HIVEP3: variants seen among roughly 807,000 people sequenced by gnomAD.
HIVEP3 encodes HIVEP zinc finger 3.
In HIVEP3, 49 loss-of-function variants were observed where a neutral mutation model predicts 152.8. The observed-to-expected ratio is 0.32, with a 90% CI of 0.26 to 0.41. HIVEP3 has a LOEUF of 0.41. Ranked by LOEUF, HIVEP3 falls within the 10% of genes least tolerant of loss-of-function variation. HIVEP3 has a pLI of 1.00. For synonymous variants in HIVEP3, 1,269 were observed against 1,289.0 expected (o/e 0.98, Z 0.33); for missense variants, 2,790 against 3,103.3 (o/e 0.90, Z 2.40).
chr1:41,648,996 G>C (rs530291023), intron 2 of HIVEP3, among the ~76,000 whole-genome samples: 2 of 152,384 alleles, frequency 1.3e-5, no homozygotes, highest in Admixed American at 1.3e-4. Context: ...TGTCTGCACA[G>C]CAGAGCCTGT....
At chr1:41,870,981 C>T (rs940319805) in intron 1 of HIVEP3, among the ~76,000 whole-genome samples, 4 of 152,202 alleles carry the variant, frequency 2.6e-5, no homozygotes, top group East Asian at 1.9e-4. Flanking sequence ...GATTACGACA[C>T]GTGAACTGCT....
rs3064231 is a variant in HIVEP3, at chr1:41,753,706, T to A, written c.-800-52711A>T. Among the ~76,000 whole-genome samples the A allele has an allele frequency of 4.5e-4, 68 of 149,576 alleles. 1 individual carries two copies. Among genetic ancestry groups the A allele is most frequent in the South Asian group, 3.8e-3 (18 of 4,772 alleles). On this transcript the variant is annotated intron_variant, in intron 1 of 8. Transcript: ENST00000372583. Reference sequence around the variant, plus strand: ...ATAAATAAATAAATAAATAAATAAATAAAAATAGAAAACAATGGAAGCGTT... The same window carrying A: ...ATAAATAAATAAATAAATAAATAAAAAAAAATAGAAAACAATGGAAGCGTT...
intron 3 of HIVEP3, among the ~76,000 whole-genome samples, chr1:41,604,902 G>A (rs1570080525): frequency 6.6e-6 from 1 of 151,882 alleles, no homozygotes; most frequent in African/African-American, 2.4e-5. Flanking sequence ...CCAGGAATTC[G>A]AGACCAGCTT....
chr1:41,517,816 C>T (rs1158293052), intron 7 of HIVEP3, among the ~76,000 whole-genome samples: 1 of 152,160 alleles, frequency 6.6e-6, no homozygotes, highest in Non-Finnish European at 1.5e-5. Context: ...CCACCATGGC[C>T]GGGGTGTGTA....
chr1:41,754,113 G>A (rs1647217698), intron 1 of HIVEP3, among the ~76,000 whole-genome samples: 1 of 152,160 alleles, frequency 6.6e-6, no homozygotes, highest in South Asian at 2.1e-4. Flanking sequence ...CGGCATTCTG[G>A]GTGGGTCTGA....
chr1:41,806,879 T>A (rs183245213), intron 1 of HIVEP3, among the ~76,000 whole-genome samples: 1 of 152,226 alleles, frequency 6.6e-6, no homozygotes, highest in East Asian at 1.9e-4. Flanking sequence ...GAGAGTATGA[T>A]GTGCTCGCCA....
chr1:41,574,693 G>A (rs146961696), intron 5 of HIVEP3, among the ~76,000 whole-genome samples: 7 of 152,284 alleles, frequency 4.6e-5, no homozygotes, highest in East Asian at 1.9e-4. Context: ...CACAGGAAGC[G>A]CATTTTCCTC....
chr1:42,028,562 C>T (rs1645595055), intron 1 of HIVEP3, among the ~76,000 whole-genome samples: 1 of 152,184 alleles, frequency 6.6e-6, no homozygotes, highest in Non-Finnish European at 1.5e-5. Context: ...AATCCCAAAT[C>T]TGATTGGTCT....
At chr1:41,606,094 C>T (rs72669066) in intron 3 of HIVEP3, among the ~76,000 whole-genome samples, 4,116 of 149,872 alleles carry the variant, frequency 0.027, 300 homozygotes, top group African/African-American at 0.098. Flanking sequence ...ACCGTCCTCA[C>T]TTGGTTATGG....
intron 1 of HIVEP3, among the ~76,000 whole-genome samples, chr1:41,867,519 C>T (rs930145343): frequency 1.3e-5 from 2 of 152,204 alleles, no homozygotes; most frequent in African/African-American, 4.8e-5. Flanking sequence ...CTCCTCCAGA[C>T]TCATTCCAGC....
chr1:41,675,501 G>A (rs191763780), intron 2 of HIVEP3, among the ~76,000 whole-genome samples: 2 of 152,322 alleles, frequency 1.3e-5, no homozygotes, highest in Admixed American at 1.3e-4. Context: ...AGCCTCTCAA[G>A]TAGCAGCATT....
intron 2 of HIVEP3, among the ~76,000 whole-genome samples, chr1:41,630,484 G>A (rs549880718): frequency 7.9e-5 from 12 of 152,330 alleles, no homozygotes; most frequent in East Asian, 1.9e-4. Flanking sequence ...GGAAGTCAGA[G>A]AGATTAGGGT....
chr1:41,639,391 T>C (rs1645337433), intron 2 of HIVEP3, among the ~76,000 whole-genome samples: 1 of 152,220 alleles, frequency 6.6e-6, no homozygotes, highest in Non-Finnish European at 1.5e-5. Context: ...GTTCAGACCC[T>C]GGTTTCATCC....
At chr1:41,976,261 T>C (rs1645258528) in intron 1 of HIVEP3, among the ~76,000 whole-genome samples, 1 of 152,234 alleles carries the variant, frequency 6.6e-6, no homozygotes, top group African/African-American at 2.4e-5. Context: ...TTAATTCCTT[T>C]CACTTCTCTC....
At chr1:41,531,376 CA>C (rs777504045) in intron 5 of HIVEP3, among the ~76,000 whole-genome samples, 4 of 134,248 alleles carry the variant, frequency 3.0e-5, no homozygotes, top group Admixed American at 7.4e-5. Context: ...AGATGGAAGA[CA>C]GGGGCGATAG....
intron 2 of HIVEP3, among the ~76,000 whole-genome samples, chr1:41,656,185 A>G (rs1645626198): frequency 6.6e-6 from 1 of 152,212 alleles, no homozygotes; most frequent in South Asian, 2.1e-4. Context: ...ATTCCAACAG[A>G]GTCCAGGCTA....
At position 41,757,422 on chromosome 1, in the gene HIVEP3, A is replaced by G. The variant is rs541978130; in HGVS notation, c.-800-56427T>C. Reference sequence around the variant, plus strand: ...GTGAGCCACCGTGCCCGGCCCAAAAAAATATTTTTTTAATTAGCTGAGAGT... The same window carrying G: ...GTGAGCCACCGTGCCCGGCCCAAAAGAATATTTTTTTAATTAGCTGAGAGT... On this transcript the variant is annotated intron_variant, in intron 1 of 8. Coordinates refer to ENST00000372583, the MANE Select transcript of HIVEP3 (RefSeq NM_024503.5). Among the ~76,000 whole-genome samples the G allele has an allele frequency of 9.9e-4, 150 of 151,500 alleles. 1 individual carries two copies. The highest frequency in any genetic ancestry group is 4.4e-3 in the South Asian group (21 of 4,770).
chr1:41,710,290 A>G (rs1309948682), intron 1 of HIVEP3, among the ~76,000 whole-genome samples: 1 of 152,102 alleles, frequency 6.6e-6, no homozygotes, highest in East Asian at 1.9e-4. Flanking sequence ...CTAAAAGTGT[A>G]CCCTCTTCAT....
chr1:41,998,752 T>C (rs1645409191), intron 1 of HIVEP3, among the ~76,000 whole-genome samples: 1 of 152,202 alleles, frequency 6.6e-6, no homozygotes, highest in African/African-American at 2.4e-5. Context: ...TTATGTCTTT[T>C]ATATAACAAG....
Sources: allele counts gnomAD v4.1 joint callset (sites outside exome capture counted in the v4.1 genomes callset), GRCh38; gene constraint gnomAD v4.1.1; transcripts MANE v1.5; gene names NCBI Gene and HGNC (gene_info 2026-07-23, HGNC 2026-07-21).